GLA: variants seen among roughly 807,000 people sequenced by gnomAD.
GLA encodes alpha-galactosidase A.
In GLA, 4 loss-of-function variants were observed where a neutral mutation model predicts 28.2. The observed-to-expected ratio is 0.14, with a 90% CI of 0.07 to 0.32. The LOEUF is 0.32. Among genes scored for constraint, GLA ranks in the 10% least tolerant of loss-of-function variants. The probability of loss-of-function intolerance (pLI) is 1.00; values close to 1 mark genes in which losing one functional copy is unlikely to be tolerated. For missense variants in GLA, 203 were observed against 323.7 expected (o/e 0.63, Z 2.86); for synonymous variants, 94 against 113.0 (o/e 0.83, Z 1.07).
chrX:101,400,738 C>A lies in GLA; in HGVS notation c.567G>T (p.Leu189Phe). The A allele has an allele frequency of 8.6e-7, 1 of 1,163,482 alleles. No homozygotes were observed. The highest frequency in any genetic ancestry group is 1.2e-6 in the Non-Finnish European group (1 of 851,875). The part of the protein sequence containing the change: ...NLADGYKHMS[L>F]ALNRTGRSIV... ...TGCTTCTGCCAGTCCTATTCAGGGC[C>A]AAGGACATGTGCTTATAACCTGTAT... Residue 189 changes from leucine (L) to phenylalanine (F), a missense_variant, in exon 4 of 7, where the codon TTG (leucine) becomes TTT (phenylalanine). By Grantham distance (22) the Leu-to-Phe change is conservative (BLOSUM62 0). Around this residue, in one of 3 missense-constraint regions of GLA, gnomAD observed 162 missense variants for 246.8 expected, o/e 0.66. Transcript: ENST00000218516.
At position 101,398,499 on chromosome X, in the gene GLA, C is replaced by T. The variant is rs869312438; in HGVS notation, c.870G>A (p.Met290Ile). ...QVTQMALWAIMAAPLFMSNDL... is the reference protein window; with the variant it reads ...QVTQMALWAIIAAPLFMSNDL... ...CATTAGACATGAATAAAGGAGCAGCCATGATAGCCCAGAGGGCCATCTGAG... is the reference window on the plus strand; with the variant it reads ...CATTAGACATGAATAAAGGAGCAGCTATGATAGCCCAGAGGGCCATCTGAG... Residue 290 changes from methionine (M) to isoleucine (I), a missense_variant, in exon 6 of 7, where the codon ATG (methionine) becomes ATA (isoleucine). Met to Ile is a conservative substitution (Grantham distance 10). This residue lies in a region of GLA where 162 missense variants were observed against 246.8 expected (regional missense o/e 0.66). Transcript: ENST00000218516. The T allele has an allele frequency of 2.5e-6, 3 of 1,207,469 alleles. No individual in the cohort carries two copies. The highest frequency in any genetic ancestry group is 2.2e-5 in the Admixed American group (1 of 46,033).
rs782584102 is a variant in GLA, at chrX:101,399,810, AAATT to A, written c.639+852_639+855del. The A allele has an allele frequency of 3.6e-5, 4 of 111,993 alleles. No homozygotes were observed. The highest frequency in any genetic ancestry group is 9.5e-5 in the Admixed American group (1 of 10,515). The allele number at this position is 111,993 out of a possible 1,213,427, so 9.2% of individuals were successfully genotyped here. On this transcript the variant is annotated intron_variant, in intron 4 of 6. Transcript: ENST00000218516. ...CAAATAGTGTGGAGCTCTGAGAAGA[AAATT>A]AAACAGGTTAATGTGATGAAGAATG...
chrX:101,401,471 A>G (rs1928311750), intron 3 of GLA, 161 bp downstream of exon 3: 1 of 518,791 alleles, frequency 1.9e-6, no homozygotes, highest in Non-Finnish European at 3.5e-6. Flanking sequence ...TAATTAATTA[A>G]TGAACTGAAA....
chrX:101,400,262 C>T (rs1245789000), intron 4 of GLA, among the ~76,000 whole-genome samples: 1 of 110,586 alleles, frequency 9.0e-6, no homozygotes, highest in Non-Finnish European at 1.9e-5. Context: ...TCTAGTGCTG[C>T]TTGGAAAATA....
At chrX:101,398,218 G>A in intron 6 of GLA, 119 bp from the exon 7 acceptor site, 2 of 796,757 alleles carry the variant, frequency 2.5e-6, no homozygotes, top group Non-Finnish European at 3.8e-6. Flanking sequence ...AAATGATCCT[G>A]TAGCATTATT....
At chrX:101,405,236 C>CAAAAAAAAAAAAAAAA (rs11448515) in intron 1 of GLA, among the ~76,000 whole-genome samples, 6 of 35,538 alleles carry the variant, frequency 1.7e-4, no homozygotes, top group Non-Finnish European at 2.3e-4. Context: ...AACTCCAGCT[C>CAAAAAAAAAAAAAAAA]AAAAAAAAAA....
At position 101,407,858 on chromosome X, in the gene GLA, G is replaced by T; in HGVS notation, c.46C>A (p.Leu16Ile). ...PELHLGCALA[L>I]RFLALVSWDI... is the part of the protein sequence containing the mutation. The stretch of plus-strand genomic sequence containing the variant: ...CAGGAAACGAGGGCCAGGAAGCGAA[G>T]CGCAAGCGCGCAGCCCAGATGTAGT... The change falls in exon 1 of 7, where the codon CTT becomes ATT. Residue 16 changes from leucine (L) to isoleucine (I), a missense_variant. By Grantham distance (5) the Leu-to-Ile change is conservative (BLOSUM62 2). Around this residue, in one of 3 missense-constraint regions of GLA, gnomAD observed 30 missense variants for 32.2 expected, o/e 0.93. Coordinates refer to ENST00000218516, the MANE Select transcript of GLA (RefSeq NM_000169.3). 8.3e-7 allele frequency: 1 copy of T among 1,211,548 alleles called. No individual in the cohort carries two copies. The highest frequency in any genetic ancestry group is 1.1e-6 in the Non-Finnish European group (1 of 895,120).
intron 6 of GLA, 56 bp from the exon 7 acceptor site, chrX:101,398,155 G>A (rs1928147826): frequency 2.9e-6 from 3 of 1,047,275 alleles, no homozygotes; most frequent in African/African-American, 1.9e-5. Flanking sequence ...GGCCCTGTTA[G>A]TTTGGCATTC....
intron 2 of GLA, 93 bp from the exon 3 acceptor site, chrX:101,401,902 A>G (rs782547736): frequency 7.1e-6 from 6 of 847,618 alleles, no homozygotes; most frequent in Middle Eastern, 7.7e-4. Context: ...GGGAAGAGAC[A>G]AGGTTACTTC....
At chrX:101,398,680 C>T (rs1928179100) in intron 5 of GLA, 105 bp downstream of exon 5, 2 of 1,026,439 alleles carry the variant, frequency 1.9e-6, no homozygotes, top group African/African-American at 3.7e-5. Flanking sequence ...TAAGTACTCT[C>T]ACATAAAGCC....
At chrX:101,404,942 C>G (rs1442287814) in intron 1 of GLA, among the ~76,000 whole-genome samples, 1 of 110,024 alleles carries the variant, frequency 9.1e-6, no homozygotes, top group Admixed American at 9.6e-5. Context: ...CATGTACATT[C>G]ATTAAAAGAT....
At chrX:101,403,022 A>G (rs932259989) in intron 2 of GLA, among the ~76,000 whole-genome samples, 1 of 109,267 alleles carries the variant, frequency 9.2e-6, no homozygotes, top group Non-Finnish European at 1.9e-5. Flanking sequence ...TTTGTAGGCT[A>G]GGCGCGGTGG....
chrX:101,404,566 C>CTTT (rs1171364737), intron 1 of GLA, among the ~76,000 whole-genome samples: 1,898 of 79,120 alleles, frequency 0.024, 130 homozygotes, highest in African/African-American at 0.092. Flanking sequence ...TCCTTTTTAT[C>CTTT]TTTTTTTTTT....
chrX:101,403,045 A>C (rs1427073902), intron 2 of GLA, among the ~76,000 whole-genome samples: 1 of 110,043 alleles, frequency 9.1e-6, no homozygotes, highest in Non-Finnish European at 1.9e-5. Flanking sequence ...CATGCCTGTA[A>C]TCCCAGCACT....
chrX:101,400,274 A>G (rs1555985435), intron 4 of GLA, among the ~76,000 whole-genome samples: 1 of 110,819 alleles, frequency 9.0e-6, no homozygotes, highest in South Asian at 3.8e-4. Context: ...TGGAAAATAG[A>G]TGGGGGTTGA....
At position 101,398,789 on chromosome X, in the gene GLA, T is replaced by A. The variant is rs28935487; in HGVS notation, c.797A>T (p.Asp266Val). The A allele has an allele frequency of 8.3e-7, 1 of 1,208,891 alleles. No homozygotes were observed. The highest frequency in any genetic ancestry group is 1.7e-5 in the African/African-American group (1 of 57,168). The part of the protein sequence containing the change: ...VAGPGGWNDP[D>V]MLVIGNFGLS... ...AAGGAGGGCTCAAGTTTTTACCATA[T>A]CTGGGTCATTCCAACCCCCTGGTCC... Residue 266 changes from aspartate (D) to valine (V), a missense_variant, in exon 5 of 7, where the codon GAT (aspartate) becomes GTT (valine). Around this residue, in one of 3 missense-constraint regions of GLA, gnomAD observed 162 missense variants for 246.8 expected, o/e 0.66. Transcript: ENST00000218516.
chrX:101,404,036 G>A, intron 1 of GLA, 51 bp from the exon 2 acceptor site: 1 of 1,096,587 alleles, frequency 9.1e-7, no homozygotes, highest in Non-Finnish European at 1.3e-6. Flanking sequence ...GAACACTTAG[G>A]TACCTCCCAT....
Position 101,397,819 on chromosome X carries a change from T to A in GLA, c.1280A>T (p.Asp427Val), listed in dbSNP as rs1555984720. 8.4e-7 allele frequency: 1 copy of A among 1,197,142 alleles called. No individual in the cohort carries two copies. The stretch of plus-strand genomic sequence containing the variant: ...AATAAAATAAACATTTTAAAGTAAG[T>A]CTTTTAATGACATCTGCATTGTATT... ...LENTMQMSLK[D>V]LL The change falls in exon 7 of 7, where the codon GAC (aspartate) becomes GTC (valine). Residue 427 changes from aspartate to valine, a missense_variant. Physicochemically the swap from Asp to Val is radical, Grantham distance 152 (BLOSUM62 -3). Around this residue, in one of 3 missense-constraint regions of GLA, gnomAD observed 162 missense variants for 246.8 expected, o/e 0.66. Transcript: ENST00000218516.
intron 4 of GLA, chrX:101,399,606 A>C (rs782405476): frequency 8.9e-6 from 1 of 112,591 alleles, no homozygotes; most frequent in Non-Finnish European, 1.9e-5. Context: ...CAGGTTTAAG[A>C]TGTTGAGAAA....
Sources: gnomAD v4.1 joint callset for allele counts (sites outside exome capture counted in the v4.1 genomes callset) on GRCh38, gnomAD v4.1.1 for gene constraint, gnomAD v4.1.1 regional missense constraint, MANE v1.5 for transcripts, NCBI Gene and HGNC (gene_info 2026-07-23, HGNC 2026-07-21) for gene names.